Variants in TIMELESS observed in about 807,000 individuals in gnomAD.
TIMELESS encodes the protein timeless circadian regulator, also known as protein timeless homolog.
A neutral mutation model predicts 164.3 loss-of-function variants in TIMELESS; 124 were observed. The observed-to-expected ratio is 0.75, with a 90% CI of 0.65 to 0.88. The LOEUF is 0.88. Among genes scored for constraint, TIMELESS ranks in the 40% least tolerant of loss-of-function variants. TIMELESS has a pLI of 0.00. For missense variants in TIMELESS, 1,422 were observed against 1,491.4 expected (o/e 0.95, Z 0.77); for synonymous variants, 564 against 563.4 (o/e 1.00, Z -0.02).
At position 56,429,005 on chromosome 12, in the gene TIMELESS, G is replaced by C. The variant is rs1301961470; in HGVS notation, c.1182C>G (p.Phe394Leu). The C allele has an allele frequency of 6.2e-7, 1 of 1,614,138 alleles. No individual in the cohort carries two copies. Among genetic ancestry groups the C allele is most frequent in the Non-Finnish European group, 8.5e-7 (1 of 1,180,046 alleles). Residue 394 changes from phenylalanine to leucine, a missense_variant, in exon 11 of 29, where the codon TTC (phenylalanine) becomes TTG (leucine). Transcript: ENST00000553532. ...GGGTCTCAGAAACCAGGCCTGGCCG[G>C]AAGGAGGCAGCTCGGTTGAAGGCCA... is the stretch of plus-strand genomic sequence containing the variant. Reference protein sequence around the residue: ...FFMAFNRAASFRPGLVSETLS... With the variant: ...FFMAFNRAASLRPGLVSETLS...
Position 56,422,233 on chromosome 12 carries a change from C to T in TIMELESS, c.2439-42G>A, listed in dbSNP as rs755208331. The T allele has an allele frequency of 1.0e-5, 16 of 1,585,966 alleles. 1 individual carries two copies. The South Asian group carries it at 1.8e-4, about 18-fold the overall frequency. ...GAAAGGGAGCATATAGGTTCTTGGC[C>T]CAAAAAGAGGAGACCAAAGGCCTTC... On this transcript the variant is annotated intron_variant, in intron 19 of 28. Transcript: ENST00000553532.
At position 56,420,823 on chromosome 12, in the gene TIMELESS, C is replaced by T; in HGVS notation, c.3099G>A (p.Arg1033=). The change falls in exon 25 of 29, where the codon CGG becomes CGA. Residue 1033 remains arginine (R), a synonymous_variant. Coordinates refer to ENST00000553532, the MANE Select transcript of TIMELESS (RefSeq NM_003920.5). The part of the protein sequence containing the change: ...QNCLIRAADD[R]EEDGCSQAVP... ...CACCTGTCCACTCACCATCCTCTTC[C>T]CGATCATCAGCTGCTCGGATCAGGC... 1 of 1,614,218 alleles carries T rather than the reference C, an allele frequency of 6.2e-7. No individual in the cohort carries two copies.
chr12:56,438,775 C>A (rs1438011135), intron 1 of TIMELESS, among the ~76,000 whole-genome samples: 2 of 47,400 alleles, frequency 4.2e-5, no homozygotes, highest in African/African-American at 1.0e-4. Context: ...AAAGCTCTGT[C>A]TCAAAAAAAA....
intron 8 of TIMELESS, 34 bp downstream of exon 8, chr12:56,431,437 T>C (rs1187613925): frequency 1.9e-6 from 3 of 1,590,584 alleles, no homozygotes; most frequent in East Asian, 2.3e-5. Flanking sequence ...CATTCCATGA[T>C]GTAGGAAAAA....
chr12:56,434,172 C>T lies in TIMELESS; in HGVS notation c.-2G>A, dbSNP rs1449775077. ...ACAGTTCATCATGTGCAAGTCCATA[C>T]ATCAGTGGACCAACCAACAGAGAAG... On this transcript the variant is annotated 5_prime_UTR_variant, in exon 2 of 29. An upstream start codon of the reference 5' UTR is lost. Transcript: ENST00000553532. The T allele has an allele frequency of 1.9e-6, 3 of 1,611,714 alleles. No homozygotes were observed. The highest frequency in any genetic ancestry group is 1.6e-4 in the Middle Eastern group (1 of 6,082).
intron 7 of TIMELESS, among the ~76,000 whole-genome samples, 191 bp from the exon 8 acceptor site, chr12:56,431,795 A>AAT (rs1273971865): frequency 4.0e-5 from 6 of 151,612 alleles, no homozygotes; most frequent in Admixed American, 1.3e-4. Flanking sequence ...ACAGTACTGA[A>AAT]ATATATATAT....
rs1881873521 is a variant in TIMELESS, at chr12:56,431,366, A to C, written c.821+105T>G. 33 of 1,406,250 alleles carry C rather than the reference A, an allele frequency of 2.3e-5. 1 individual carries two copies. The highest frequency in any genetic ancestry group is 1.7e-4 in the East Asian group (7 of 42,040). The allele number at this position is 1,406,250 out of a possible 1,614,324, so 87.1% of individuals were successfully genotyped here. ...CAAAATTCTGTCTCAAAAAAAAAAA[A>C]AAAAAACACTAAAATGTTGTTCAAT... On this transcript the variant is annotated intron_variant, in intron 8 of 28. Transcript: ENST00000553532.
chr12:56,417,346 G>A lies in TIMELESS; in HGVS notation c.*370C>T, dbSNP rs985716558. The A allele has an allele frequency of 5.2e-6, 1 of 193,344 alleles. No individual in the cohort carries two copies. Among genetic ancestry groups the A allele is most frequent in the African/African-American group, 2.3e-5 (1 of 42,626 alleles). 12.0% of individuals were successfully genotyped at this position (193,344 alleles called of 1,614,324 possible). ...CATAAAGCTCCCCATCTGGTGCTGC[G>A]ACCCACCTCCAAGAGAAAGCCAAAG... is the stretch of plus-strand genomic sequence containing the variant. On this transcript the variant is annotated 3_prime_UTR_variant, in exon 29 of 29. Coordinates refer to ENST00000553532, the MANE Select transcript of TIMELESS (RefSeq NM_003920.5).
intron 1 of TIMELESS, among the ~76,000 whole-genome samples, chr12:56,447,016 T>TA (rs200691494): frequency 0.025 from 3,806 of 150,534 alleles, 132 homozygotes; most frequent in African/African-American, 0.086. Flanking sequence ...TCTTTTTATT[T>TA]TTTTTTTTTT....
chr12:56,444,001 G>A (rs920068707), intron 1 of TIMELESS, among the ~76,000 whole-genome samples: 6 of 151,576 alleles, frequency 4.0e-5, no homozygotes, highest in Non-Finnish European at 7.4e-5. Flanking sequence ...GGGTTCAAGC[G>A]ATTATCTTGC....
intron 10 of TIMELESS, among the ~76,000 whole-genome samples, chr12:56,429,871 C>T (rs1881814417): frequency 6.6e-6 from 1 of 151,846 alleles, no homozygotes; most frequent in Admixed American, 6.6e-5. Flanking sequence ...TCTCCCTTTC[C>T]TCTCCCTCTG....
chr12:56,432,371 G>C lies in TIMELESS; in HGVS notation c.685C>G (p.Gln229Glu). 1 of 1,613,026 alleles carries C rather than the reference G, an allele frequency of 6.2e-7. No homozygotes were observed. The highest frequency in any genetic ancestry group is 8.5e-7 in the Non-Finnish European group (1 of 1,179,096). The change falls in exon 7 of 29, where the codon CAG becomes GAG. Residue 229 changes from glutamine (Q) to glutamate (E), a missense_variant and splice_region_variant. By Grantham distance (29) the Gln-to-Glu change is conservative. Coordinates refer to ENST00000553532, the MANE Select transcript of TIMELESS (RefSeq NM_003920.5). ...LEIVSLMFRD[Q>E]NPEQLAGVGQ... ...CGGGCAATAGGCCAGGGTCTCACCT[G>C]GTCACGAAACATAAGGGAGACAATC...
intron 1 of TIMELESS, among the ~76,000 whole-genome samples, chr12:56,445,422 CA>C (rs71081360): frequency 0.022 from 415 of 18,656 alleles, 1 homozygote; most frequent in African/African-American, 0.043. Context: ...AACTCCACGT[CA>C]AAAAAAAAAA....
In TIMELESS at chr12:56,430,957, A is replaced by T. The variant is rs142429793; in HGVS notation, c.833T>A (p.Phe278Tyr). The T allele has an allele frequency of 3.8e-6, 6 of 1,580,668 alleles. No homozygotes were observed. Among genetic ancestry groups the T allele is most frequent in the Non-Finnish European group, 5.1e-6 (6 of 1,167,572 alleles). ...CCCCTGGACAATATAGGAGCCCCCA[A>T]ATCGAGAATGCCTGCAGAAACAAAA... ...ALQRGNRHSR[F>Y]GGSYIVQGLK... Residue 278 changes from phenylalanine to tyrosine, a missense_variant, in exon 9 of 29, where the codon TTT becomes TAT. Phe to Tyr is a conservative substitution (Grantham distance 22). Coordinates refer to ENST00000553532, the MANE Select transcript of TIMELESS (RefSeq NM_003920.5).
At chr12:56,427,287 TA>T (rs1449797261) in intron 13 of TIMELESS, among the ~76,000 whole-genome samples, 1 of 152,162 alleles carries the variant, frequency 6.6e-6, no homozygotes, top group East Asian at 1.9e-4. Flanking sequence ...CACACCCAGC[TA>T]ATTTTTGTAT....
chr12:56,432,571 C>T (rs1592251684), intron 6 of TIMELESS, 47 bp from the exon 7 acceptor site: 2 of 1,593,312 alleles, frequency 1.3e-6, no homozygotes, highest in Non-Finnish European at 8.6e-7. Context: ...TTCAATCCCA[C>T]TGCCCTGCCT....
intron 15 of TIMELESS, 63 bp from the exon 16 acceptor site, chr12:56,423,957 A>T: frequency 1.4e-6 from 2 of 1,396,902 alleles, no homozygotes; most frequent in Admixed American, 3.5e-5. Flanking sequence ...TTATAATTCG[A>T]AGTAGAAGAA....
chr12:56,449,300 A>G lies in TIMELESS; in HGVS notation c.-62+10T>C, dbSNP rs1429411573. On this transcript the variant is annotated intron_variant, in intron 1 of 28. Transcript: ENST00000553532. ...TCCGCTTAGCGCCCTCTCGCCACAC[A>G]CTCACTCACCCGCTCCCTGCGGGTC... 1 of 151,920 alleles carries G rather than the reference A, an allele frequency of 6.6e-6. No homozygotes were observed. Among genetic ancestry groups the G allele is most frequent in the African/African-American group, 2.4e-5 (1 of 41,340 alleles). 9.4% of individuals were successfully genotyped at this position (151,920 alleles called of 1,614,324 possible).
At chr12:56,438,777 CAAAAAAAAAAAA>C (rs34222190) in intron 1 of TIMELESS, among the ~76,000 whole-genome samples, 1 of 48,476 alleles carries the variant, frequency 2.1e-5, no homozygotes, top group African/African-American at 9.9e-5. Context: ...AGCTCTGTCT[CAAAAAAAAAAAA>C]AAAAAAAAAA....
Sources: gnomAD v4.1 joint callset for allele counts (sites outside exome capture counted in the v4.1 genomes callset) on GRCh38, gnomAD v4.1.1 for gene constraint, MANE v1.5 for transcripts, NCBI Gene and HGNC (gene_info 2026-07-23, HGNC 2026-07-21) for gene names.